The following CALN1 variants were observed in gnomAD, a reference collection of about 807,000 sequenced individuals.
CALN1 encodes the protein calneuron 1, also known as calcium-binding protein 8.
A neutral mutation model predicts 30.6 loss-of-function variants in CALN1; 17 were observed. That is an observed-to-expected ratio of 0.56 (90% CI 0.38 to 0.83). The LOEUF is 0.83. CALN1 is among the 40% of genes least tolerant of loss of function. CALN1 has a pLI of 0.00. For missense variants in CALN1, 291 were observed against 354.9 expected (o/e 0.82, Z 1.45); for synonymous variants, 156 against 131.4 (o/e 1.19, Z -1.28).
chr7:72,367,482 C>T (rs1164901388), intron 2 of CALN1, among the ~76,000 whole-genome samples: 5 of 151,834 alleles, frequency 3.3e-5, no homozygotes, highest in African/African-American at 4.8e-5. Flanking sequence ...GAAAAATTAA[C>T]GGTGTGGTGG....
At chr7:71,865,916 C>G (rs1002829614) in intron 5 of CALN1, among the ~76,000 whole-genome samples, 1 of 152,002 alleles carries the variant, frequency 6.6e-6, no homozygotes, top group African/African-American at 2.4e-5. Context: ...ATAAAAATTA[C>G]CAATTTTAGA....
chr7:71,921,124 T>A (rs1362358687), intron 5 of CALN1, among the ~76,000 whole-genome samples: 3 of 152,072 alleles, frequency 2.0e-5, no homozygotes, highest in African/African-American at 7.2e-5. Flanking sequence ...AAACACCACA[T>A]ACTCTCACTC....
intron 3 of CALN1, among the ~76,000 whole-genome samples, chr7:72,150,127 C>CAA (rs61261132): frequency 7.3e-5 from 10 of 137,202 alleles, no homozygotes; most frequent in African/African-American, 2.1e-4. Flanking sequence ...AACTCCATCT[C>CAA]AAAAAAAAAA....
intron 5 of CALN1, among the ~76,000 whole-genome samples, chr7:71,970,390 A>G (rs1156235359): frequency 6.6e-6 from 1 of 152,138 alleles, no homozygotes; most frequent in African/African-American, 2.4e-5. Context: ...GACTAAGCAA[A>G]CACCCTCATT....
At chr7:72,376,158 G>A (rs1804541328) in intron 2 of CALN1, among the ~76,000 whole-genome samples, 1 of 152,144 alleles carries the variant, frequency 6.6e-6, no homozygotes, top group Non-Finnish European at 1.5e-5. Flanking sequence ...GGACATTTGG[G>A]TTGTATTCAA....
At chr7:71,833,989 C>T (rs1050028046) in intron 5 of CALN1, among the ~76,000 whole-genome samples, 2 of 151,900 alleles carry the variant, frequency 1.3e-5, no homozygotes, top group African/African-American at 2.4e-5. Flanking sequence ...TTTGGGAGGC[C>T]GTGGCGGGTG....
In CALN1 at chr7:72,023,777, G is replaced by A. The variant is rs567453412; in HGVS notation, c.389-8C>T. ...AATCCACCTGGCCATCCCCTGCAAG[G>A]AGAAGATGTAAATATGAGTTGCAAA... is the stretch of plus-strand genomic sequence containing the variant. On this transcript the variant is annotated splice_region_variant and splice_polypyrimidine_tract_variant and intron_variant, in intron 4 of 6. Transcript: ENST00000395275. The A allele has an allele frequency of 1.2e-5, 20 of 1,609,798 alleles. No individual in the cohort carries two copies. In the Admixed American group the frequency reaches 2.3e-4, roughly 19 times the overall value.
At chr7:72,156,277 C>A (rs916286235) in intron 3 of CALN1, among the ~76,000 whole-genome samples, 7 of 152,090 alleles carry the variant, frequency 4.6e-5, no homozygotes, top group African/African-American at 1.4e-4. Flanking sequence ...CTAAGGAAAC[C>A]AAGCAATAGA....
intron 2 of CALN1, among the ~76,000 whole-genome samples, chr7:72,400,450 G>T (rs993372709): frequency 5.3e-5 from 8 of 152,194 alleles, no homozygotes; most frequent in African/African-American, 7.2e-5. Context: ...GGTCCTTGAT[G>T]ATGAGCTAAA....
chr7:72,143,473 T>C lies in CALN1; in HGVS notation c.245-37179A>G, dbSNP rs561666886. 2.6e-4 allele frequency among the ~76,000 whole-genome samples: 40 copies of C among 152,236 alleles called. 1 individual carries two copies. In the South Asian group the frequency reaches 2.7e-3, roughly 10 times the overall value. On this transcript the variant is annotated intron_variant, in intron 3 of 6. Coordinates refer to ENST00000395275, the MANE Select transcript of CALN1 (RefSeq NM_031468.4). Reference sequence around the variant, plus strand: ...AAAGCCTCCAAAAAATATGGGACTATGTGAAAAGACCAAATCTACGACTGA... The same window carrying C: ...AAAGCCTCCAAAAAATATGGGACTACGTGAAAAGACCAAATCTACGACTGA...
chr7:72,256,187 A>C (rs141162764), intron 3 of CALN1, among the ~76,000 whole-genome samples: 25 of 152,320 alleles, frequency 1.6e-4, no homozygotes, highest in Non-Finnish European at 3.2e-4. Flanking sequence ...GGCCTGACAC[A>C]GTGGCTCACA....
At chr7:72,455,250 T>C in the CALN1 span, among the ~76,000 whole-genome samples, 1 of 151,638 alleles carries the variant, frequency 6.6e-6, no homozygotes, top group Non-Finnish European at 1.5e-5. Flanking sequence ...TGCAGTGAGC[T>C]ATGATCACAC....
intron 2 of CALN1, among the ~76,000 whole-genome samples, chr7:72,362,669 C>G (rs1803639204): frequency 6.6e-6 from 1 of 152,144 alleles, no homozygotes; most frequent in East Asian, 1.9e-4. Flanking sequence ...TCATTCTGTC[C>G]TGCCTGTGTG....
At chr7:72,258,690 G>A (rs973975747) in intron 3 of CALN1, among the ~76,000 whole-genome samples, 13 of 152,098 alleles carry the variant, frequency 8.5e-5, no homozygotes, top group African/African-American at 2.9e-4. Flanking sequence ...GGCTGAGGTG[G>A]GCAGATCACC....
Position 71,780,367 on chromosome 7 carries a change from G to C in CALN1, c.*7408C>G, listed in dbSNP as rs548371156. 1 of 152,160 alleles carries C rather than the reference G, an allele frequency of 6.6e-6. No homozygotes were observed. Among genetic ancestry groups the C allele is most frequent in the South Asian group, 2.1e-4 (1 of 4,822 alleles). The allele number at this position is 152,160 out of a possible 1,614,324, so 9.4% of individuals were successfully genotyped here. The stretch of plus-strand genomic sequence containing the variant: ...TTGTTAGAAAAACAATTACTGGGAC[G>C]TCAGTCTACTTTAGGAAGAGGGAAA... On this transcript the variant is annotated 3_prime_UTR_variant, in exon 7 of 7. Transcript: ENST00000395275.
intron 2 of CALN1, among the ~76,000 whole-genome samples, chr7:72,363,842 C>G (rs558270377): frequency 1.4e-5 from 2 of 146,790 alleles, no homozygotes; most frequent in East Asian, 4.1e-4. Flanking sequence ...ATTTGCAATT[C>G]TCTTGCCTCA....
intron 5 of CALN1, among the ~76,000 whole-genome samples, chr7:71,887,520 A>AC (rs372765572): frequency 4.5e-4 from 66 of 146,788 alleles, no homozygotes; most frequent in African/African-American, 1.6e-3. Flanking sequence ...CTAGTCTTGA[A>AC]CCCCCCCACT....
intron 3 of CALN1, among the ~76,000 whole-genome samples, chr7:72,214,873 C>T (rs1792664761): frequency 6.6e-6 from 1 of 151,766 alleles, no homozygotes; most frequent in Non-Finnish European, 1.5e-5. Context: ...CTAGGTTGCA[C>T]ACTCCTTATG....
intron 5 of CALN1, among the ~76,000 whole-genome samples, chr7:71,817,654 T>C (rs533085666): frequency 6.6e-6 from 1 of 152,260 alleles, no homozygotes; most frequent in African/African-American, 2.4e-5. Context: ...TAGCTGGGAT[T>C]ACAGGCGCCC....
Sources: allele counts gnomAD v4.1 joint callset (sites outside exome capture counted in the v4.1 genomes callset), GRCh38; gene constraint gnomAD v4.1.1; transcripts MANE v1.5; gene names NCBI Gene and HGNC (gene_info 2026-07-23, HGNC 2026-07-21).